MDFIC2: variants seen among roughly 807,000 people sequenced by gnomAD.
MDFIC2 encodes MyoD family inhibitor domain containing 2.
chr3:70,266,995 C>T (rs1339519138), intron 2 of MDFIC2, among the ~76,000 whole-genome samples: 2 of 152,136 alleles, frequency 1.3e-5, no homozygotes, highest in African/African-American at 2.4e-5. Context: ...AGACTGCCAA[C>T]ATTTTCCGGT....
chr3:70,194,720 C>G lies in MDFIC2; in HGVS notation c.*2206G>C, dbSNP rs1345879343. Among the ~76,000 whole-genome samples, 5 of 152,138 alleles carry G rather than the reference C, an allele frequency of 3.3e-5. No homozygotes were observed. The highest frequency in any genetic ancestry group is 7.2e-5 in the African/African-American group (3 of 41,420). On this transcript the variant is annotated 3_prime_UTR_variant, in exon 4 of 4. Coordinates refer to ENST00000567252, the MANE Select transcript of MDFIC2 (RefSeq NM_001364677.1). The stretch of plus-strand genomic sequence containing the variant: ...TCAATTCACATTTGAAATGCACAAT[C>G]TTTGCATAATTTGAGGGTATGTAGA...
intron 2 of MDFIC2, among the ~76,000 whole-genome samples, chr3:70,210,528 A>G (rs1278556852): frequency 2.0e-5 from 3 of 152,106 alleles, no homozygotes; most frequent in African/African-American, 7.2e-5. Context: ...TCAGATTCAG[A>G]TTCCTTCCTT....
At chr3:70,301,057 A>T (rs985187047) in intron 2 of MDFIC2, among the ~76,000 whole-genome samples, 3 of 152,062 alleles carry the variant, frequency 2.0e-5, no homozygotes, top group African/African-American at 7.2e-5. Context: ...GTTTTTCCTC[A>T]TTTAAAAAAG....
chr3:70,286,136 G>A (rs1473784298), intron 2 of MDFIC2, among the ~76,000 whole-genome samples: 2 of 152,326 alleles, frequency 1.3e-5, no homozygotes, highest in South Asian at 4.1e-4. Context: ...CCTTGCCCAT[G>A]CCTATGTCCT....
intron 2 of MDFIC2, among the ~76,000 whole-genome samples, chr3:70,268,816 A>G (rs907019060): frequency 2.0e-5 from 3 of 152,198 alleles, no homozygotes; most frequent in Admixed American, 2.0e-4. Flanking sequence ...CATCTACAAA[A>G]CAAACTATTC....
chr3:70,253,978 G>T (rs1340614583), intron 2 of MDFIC2, among the ~76,000 whole-genome samples: 2 of 152,090 alleles, frequency 1.3e-5, no homozygotes, highest in Non-Finnish European at 2.9e-5. Context: ...AATATAGCTA[G>T]CTCAGAAGAT....
chr3:70,250,760 G>C (rs1701757607), intron 2 of MDFIC2, among the ~76,000 whole-genome samples: 1 of 152,122 alleles, frequency 6.6e-6, no homozygotes, highest in African/African-American at 2.4e-5. Flanking sequence ...TTGGGACTAA[G>C]AAAATATTGT....
At chr3:70,283,062 C>T (rs1177309770) in intron 2 of MDFIC2, among the ~76,000 whole-genome samples, 1 of 152,140 alleles carries the variant, frequency 6.6e-6, no homozygotes, top group Non-Finnish European at 1.5e-5. Flanking sequence ...GACTCAGGAA[C>T]CTCAGTATGA....
intron 2 of MDFIC2, among the ~76,000 whole-genome samples, chr3:70,306,898 G>A (rs1360415577): frequency 6.6e-6 from 1 of 151,992 alleles, no homozygotes; most frequent in Non-Finnish European, 1.5e-5. Context: ...AAATATGTAT[G>A]TATATGCATA....
intron 2 of MDFIC2, among the ~76,000 whole-genome samples, chr3:70,267,578 A>ATTTTTT (rs377637066): frequency 1.6e-4 from 21 of 132,806 alleles, no homozygotes; most frequent in African/African-American, 5.7e-4. Flanking sequence ...AATTTTTTGT[A>ATTTTTT]TTTTTTTTTT....
intron 2 of MDFIC2, among the ~76,000 whole-genome samples, chr3:70,232,710 A>G (rs1701572105): frequency 6.6e-6 from 1 of 152,114 alleles, no homozygotes; most frequent in South Asian, 2.1e-4. Context: ...AAGAGAGGTA[A>G]TTAGTCACAA....
intron 2 of MDFIC2, among the ~76,000 whole-genome samples, chr3:70,290,273 C>T (rs1345001649): frequency 1.3e-5 from 2 of 152,184 alleles, no homozygotes; most frequent in African/African-American, 4.8e-5. Flanking sequence ...AGTTTTCCTT[C>T]TAACAGACGG....
chr3:70,210,741 A>T (rs937301687), intron 2 of MDFIC2, among the ~76,000 whole-genome samples: 2 of 151,920 alleles, frequency 1.3e-5, no homozygotes, highest in East Asian at 3.9e-4. Context: ...TTAAAAACAA[A>T]CCAAAATTAG....
chr3:70,211,333 C>T (rs1701342940), intron 2 of MDFIC2, among the ~76,000 whole-genome samples: 2 of 68,104 alleles, frequency 2.9e-5, no homozygotes, highest in Non-Finnish European at 6.3e-5. Context: ...CTTCCTTTCC[C>T]TTCCCTTCCT....
intron 2 of MDFIC2, among the ~76,000 whole-genome samples, chr3:70,208,722 G>A (rs1701313575): frequency 6.6e-6 from 1 of 152,012 alleles, no homozygotes; most frequent in Non-Finnish European, 1.5e-5. Flanking sequence ...ATCTTAAGAT[G>A]GTTGCTTTCC....
intron 2 of MDFIC2, among the ~76,000 whole-genome samples, chr3:70,209,647 TC>T (rs1701324106): frequency 1.3e-5 from 2 of 152,098 alleles, no homozygotes; most frequent in Admixed American, 6.6e-5. Flanking sequence ...CCTGGTAGAT[TC>T]CAAAAGCTTT....
chr3:70,289,822 G>A (rs1702212663), intron 2 of MDFIC2, among the ~76,000 whole-genome samples: 1 of 151,660 alleles, frequency 6.6e-6, no homozygotes, highest in Non-Finnish European at 1.5e-5. Flanking sequence ...ATCTTCCATT[G>A]CTGATACCCT....
intron 2 of MDFIC2, among the ~76,000 whole-genome samples, chr3:70,231,736 G>C (rs1468539873): frequency 6.6e-6 from 1 of 152,126 alleles, no homozygotes; most frequent in East Asian, 1.9e-4. Context: ...GACAAGGAGA[G>C]AAGAAATGGG....
intron 2 of MDFIC2, among the ~76,000 whole-genome samples, chr3:70,208,241 G>T (rs933201387): frequency 6.6e-5 from 10 of 152,186 alleles, no homozygotes; most frequent in Middle Eastern, 3.4e-3. Context: ...CATTCCCATT[G>T]TTAACGCAAT....
Sources: allele counts gnomAD v4.1 joint callset (sites outside exome capture counted in the v4.1 genomes callset), GRCh38; gene constraint gnomAD v4.1.1; transcripts MANE v1.5; gene names NCBI Gene and HGNC (gene_info 2026-07-23, HGNC 2026-07-21).